Variants in UBASH3B observed in about 807,000 individuals in gnomAD.
UBASH3B encodes ubiquitin associated and SH3 domain containing B.
Under a neutral mutation model 83.4 loss-of-function variants are expected in UBASH3B, and 37 were observed. The ratio of observed to expected loss-of-function variants is 0.44; its 90% CI spans 0.34 to 0.58. The LOEUF (loss-of-function observed/expected upper bound fraction) is 0.58. UBASH3B is among the 20% of genes least tolerant of loss of function. UBASH3B has a pLI of 0.01. For missense variants in UBASH3B, 657 were observed against 827.2 expected, an observed-to-expected ratio of 0.79 and a Z score of 2.52; for synonymous variants, 304 against 318.3, an observed-to-expected ratio of 0.96 and a Z score of 0.48.
At chr11:122,664,528 T>A (rs73014240) in intron 1 of UBASH3B, among the ~76,000 whole-genome samples, 18,033 of 152,194 alleles carry the variant, frequency 0.12, 1,119 homozygotes, top group African/African-American at 0.14. Flanking sequence ...TTATGGAGAA[T>A]CTGTGGTTTT....
chr11:122,807,406 T>G (rs1236678462), intron 12 of UBASH3B, among the ~76,000 whole-genome samples: 1 of 152,220 alleles, frequency 6.6e-6, no homozygotes, highest in Non-Finnish European at 1.5e-5. Context: ...ATACGCTGTG[T>G]GTATTGTACC....
At chr11:122,744,053 G>A (rs1258404767) in intron 1 of UBASH3B, among the ~76,000 whole-genome samples, 1 of 152,236 alleles carries the variant, frequency 6.6e-6, no homozygotes, top group Non-Finnish European at 1.5e-5. Context: ...GCCTGTGAGG[G>A]AGACCCAGGC....
intron 1 of UBASH3B, among the ~76,000 whole-genome samples, chr11:122,675,741 GA>G (rs1863659237): frequency 6.6e-6 from 1 of 152,188 alleles, no homozygotes; most frequent in Non-Finnish European, 1.5e-5. Flanking sequence ...GAGTAGGAAG[GA>G]GATAGACGCA....
rs568564848 is a variant in UBASH3B, at chr11:122,662,972, CTTTT to C, written c.161+6781_161+6784del. On this transcript the variant is annotated intron_variant, in intron 1 of 13. Transcript: ENST00000284273. ...AAAATTCCCTCTTACGCGCTAATGT[CTTTT>C]TTTTTTTTTTTTTTTTTTGAGATGG... is the stretch of plus-strand genomic sequence containing the variant. Among the ~76,000 whole-genome samples, 146 of 110,544 alleles carry C rather than the reference CTTTT, an allele frequency of 1.3e-3. 1 individual carries two copies. The Middle Eastern group carries it at 0.016, about 12-fold the overall frequency. The allele number at this position is 110,544 out of a possible 152,430, so 72.5% of individuals were successfully genotyped here.
At chr11:122,778,208 C>A (rs770134784) in intron 3 of UBASH3B, among the ~76,000 whole-genome samples, 6 of 151,996 alleles carry the variant, frequency 3.9e-5, no homozygotes, top group Non-Finnish European at 7.4e-5. Context: ...CAGATATATT[C>A]TCTCTCTTTT....
intron 4 of UBASH3B, among the ~76,000 whole-genome samples, chr11:122,780,589 G>C (rs1041433417): frequency 1.6e-4 from 25 of 152,342 alleles, no homozygotes; most frequent in Non-Finnish European, 3.5e-4. Flanking sequence ...AACAAGAAGT[G>C]GTTTCTCCCG....
At chr11:122,666,575 T>C (rs1387875417) in intron 1 of UBASH3B, among the ~76,000 whole-genome samples, 1 of 151,734 alleles carries the variant, frequency 6.6e-6, no homozygotes, top group Admixed American at 6.6e-5. Context: ...CGCGCCTCCA[T>C]GCTCAGCTGA....
intron 1 of UBASH3B, among the ~76,000 whole-genome samples, chr11:122,772,084 CTG>C (rs1302714355): frequency 6.6e-6 from 1 of 152,192 alleles, no homozygotes; most frequent in Non-Finnish European, 1.5e-5. Context: ...ATGAGTATTG[CTG>C]TGTTTCTCTT....
intron 3 of UBASH3B, 49 bp from the exon 4 acceptor site, chr11:122,779,448 T>G: frequency 6.2e-7 from 1 of 1,604,808 alleles, no homozygotes; most frequent in Non-Finnish European, 8.5e-7. Flanking sequence ...AGCAGCAGAC[T>G]TCCATCTCCC....
intron 1 of UBASH3B, among the ~76,000 whole-genome samples, chr11:122,731,485 C>A (rs1186785664): frequency 6.6e-6 from 1 of 152,160 alleles, no homozygotes; most frequent in African/African-American, 2.4e-5. Context: ...TGAACATAAG[C>A]ACTGCAATAC....
intron 1 of UBASH3B, among the ~76,000 whole-genome samples, chr11:122,721,564 C>G (rs1860639171): frequency 6.6e-6 from 1 of 152,206 alleles, no homozygotes; most frequent in Non-Finnish European, 1.5e-5. Context: ...CTGAAAGAAT[C>G]CTTGTTCAAA....
intron 1 of UBASH3B, among the ~76,000 whole-genome samples, chr11:122,715,661 A>G (rs187444065): frequency 1.1e-3 from 166 of 152,296 alleles, no homozygotes; most frequent in Middle Eastern, 3.4e-3. Flanking sequence ...CCTTCAAAGC[A>G]CACATAGACA....
At chr11:122,715,136 G>A (rs113481633) in intron 1 of UBASH3B, among the ~76,000 whole-genome samples, 7 of 152,016 alleles carry the variant, frequency 4.6e-5, no homozygotes, top group Non-Finnish European at 7.4e-5. Flanking sequence ...TAGTAGAGAC[G>A]GGGTTTCACC....
intron 4 of UBASH3B, among the ~76,000 whole-genome samples, chr11:122,780,165 T>C (rs1436325654): frequency 1.3e-5 from 2 of 152,100 alleles, no homozygotes; most frequent in African/African-American, 4.8e-5. Flanking sequence ...TCGTATTATA[T>C]CACAATAAAA....
intron 1 of UBASH3B, among the ~76,000 whole-genome samples, chr11:122,673,983 G>T (rs977823929): frequency 1.3e-5 from 2 of 152,108 alleles, no homozygotes; most frequent in African/African-American, 2.4e-5. Context: ...TGTTAATAGG[G>T]CTGTGTTGTT....
intron 1 of UBASH3B, among the ~76,000 whole-genome samples, chr11:122,775,051 T>C (rs2135137541): frequency 6.6e-6 from 1 of 152,338 alleles, no homozygotes; most frequent in South Asian, 2.1e-4. Context: ...AATTAATATT[T>C]ACATGCCTAC....
intron 1 of UBASH3B, among the ~76,000 whole-genome samples, chr11:122,767,087 G>A (rs996179581): frequency 6.6e-6 from 1 of 152,052 alleles, no homozygotes; most frequent in Non-Finnish European, 1.5e-5. Context: ...AGACCAGCCT[G>A]ACCAACATGG....
At chr11:122,656,464 G>A (rs565726811) in intron 1 of UBASH3B, among the ~76,000 whole-genome samples, 139 of 152,246 alleles carry the variant, frequency 9.1e-4, no homozygotes, top group African/African-American at 3.3e-3. Context: ...ACGAGGGCGC[G>A]GGGTTCGAGT....
At chr11:122,682,886 G>GC (rs1374282008) in intron 1 of UBASH3B, among the ~76,000 whole-genome samples, 2 of 152,206 alleles carry the variant, frequency 1.3e-5, no homozygotes, top group Non-Finnish European at 2.9e-5. Flanking sequence ...AATGCGTCAA[G>GC]CAATTCATCC....
Sources: gnomAD v4.1 joint callset for allele counts (sites outside exome capture counted in the v4.1 genomes callset) on GRCh38, gnomAD v4.1.1 for gene constraint, MANE v1.5 for transcripts, NCBI Gene and HGNC (gene_info 2026-07-23, HGNC 2026-07-21) for gene names.